Variants in ANK2 observed in about 807,000 individuals in gnomAD.
ANK2 encodes ankyrin 2, also known as ankyrin-2.
A neutral mutation model predicts 360.5 loss-of-function variants in ANK2; 83 were observed. The ratio of observed to expected loss-of-function variants is 0.23; its 90% confidence interval spans 0.19 to 0.28. The LOEUF is 0.28. ANK2 is among the 10% of genes least tolerant of loss of function. The probability of loss-of-function intolerance (pLI) is 1.00; values close to 1 mark genes in which losing one functional copy is unlikely to be tolerated. For missense variants in ANK2, 4,201 were observed against 4,795.7 expected (o/e 0.88, Z 3.66); for synonymous variants, 1,740 against 1,759.5 (o/e 0.99, Z 0.28).
At chr4:113,079,437 T>A (rs1432173571) in intron 1 of ANK2, among the ~76,000 whole-genome samples, 3 of 152,228 alleles carry the variant, frequency 2.0e-5, no homozygotes, top group Admixed American at 2.0e-4. Context: ...TGTGAATTGT[T>A]CCTTAAACTT....
At chr4:113,292,852 G>C in intron 21 of ANK2, 1 of 394,076 alleles carries the variant, frequency 2.5e-6, no homozygotes, top group South Asian at 2.2e-5. Context: ...GCACAGTAAG[G>C]GAGCTGCTAG....
intron 1 of ANK2, among the ~76,000 whole-genome samples, chr4:113,113,525 T>C (rs1469963361): frequency 1.3e-5 from 2 of 152,338 alleles, no homozygotes; most frequent in South Asian, 4.1e-4. Flanking sequence ...GGACAGTCTA[T>C]GCTGGCTCTC....
chr4:113,157,429 T>C lies in ANK2; in HGVS notation c.85-16987T>C, dbSNP rs193242907. ...AATTTTTTTCTTTGCATGTTAATCA[T>C]GATAATTTTGATAGAGATATTGCTC... On this transcript the variant is annotated intron_variant, in intron 1 of 45. Coordinates refer to ENST00000357077, the MANE Select transcript of ANK2 (RefSeq NM_001148.6). Among the ~76,000 whole-genome samples, 17 of 152,348 alleles carry C rather than the reference T, an allele frequency of 1.1e-4. No individual in the cohort carries two copies. The East Asian group carries it at 3.3e-3, about 29-fold the overall frequency.
chr4:112,881,991 G>A, intron 1 of ANK2: 1 of 564,916 alleles, frequency 1.8e-6, no homozygotes, highest in African/African-American at 1.9e-5. Context: ...AGCCCCCGGA[G>A]TGCTTGGTGC....
At chr4:112,833,882 T>C (rs1401606295) in intron 1 of ANK2, among the ~76,000 whole-genome samples, 2 of 152,246 alleles carry the variant, frequency 1.3e-5, no homozygotes, top group East Asian at 3.8e-4. Flanking sequence ...TCTTTCTTTA[T>C]CCCTGGTGCT....
intron 2 of ANK2, among the ~76,000 whole-genome samples, chr4:112,985,374 C>T (rs531793118): frequency 1.3e-5 from 2 of 152,294 alleles, no homozygotes; most frequent in African/African-American, 4.8e-5. Flanking sequence ...ATTTGCTTCC[C>T]CACTTCGCTC....
chr4:113,010,902 A>C (rs1210439935), intron 2 of ANK2, among the ~76,000 whole-genome samples: 4 of 151,726 alleles, frequency 2.6e-5, no homozygotes, highest in African/African-American at 9.7e-5. Context: ...TAACATTTTC[A>C]GCAGTGTCTG....
At position 113,306,031 on chromosome 4, in the gene ANK2, A is replaced by G. The variant is rs3025706; in HGVS notation, c.2548+3192A>G. 2.2e-4 allele frequency among the ~76,000 whole-genome samples: 33 copies of G among 152,314 alleles called. No homozygotes were observed. The East Asian group carries it at 5.4e-3, about 25-fold the overall frequency. On this transcript the variant is annotated intron_variant, in intron 23 of 45. Coordinates refer to ENST00000357077, the MANE Select transcript of ANK2 (RefSeq NM_001148.6). The stretch of plus-strand genomic sequence containing the variant: ...TGTATACACATTAAAGTAATCCATA[A>G]TATCCACTCATGAATCCAATTAACA...
Position 113,021,747 on chromosome 4 carries a change from G to A in ANK2, c.21+117233G>A, listed in dbSNP as rs9991829. On this transcript the variant is annotated intron_variant, in intron 2 of 30. Transcript: ENST00000503271. ...TCTATGTGTTTGTTAGTTAATTCGT[G>A]TTACATATAAATATGCATTAAGTAA... 9.3e-3 allele frequency among the ~76,000 whole-genome samples: 1,413 copies of A among 151,740 alleles called. 24 individuals carry two copies. The highest frequency in any genetic ancestry group is 0.032 in the African/African-American group (1,338 of 41,362).
At chr4:113,147,818 T>C (rs1180654579) in intron 1 of ANK2, among the ~76,000 whole-genome samples, 1 of 152,208 alleles carries the variant, frequency 6.6e-6, no homozygotes, top group Non-Finnish European at 1.5e-5. Context: ...CTTATCACAA[T>C]TGGCTTGGCA....
At chr4:112,815,971 A>G (rs1466036895), upstream of ANK2, among the ~76,000 whole-genome samples, 2 of 152,216 alleles carry the variant, frequency 1.3e-5, no homozygotes, top group Non-Finnish European at 2.9e-5. Context: ...GTGAGCTATT[A>G]TAACAAATTA....
At chr4:112,715,871 C>T in the ANK2 span, among the ~76,000 whole-genome samples, 2 of 151,978 alleles carry the variant, frequency 1.3e-5, no homozygotes, top group African/African-American at 4.8e-5. Context: ...TTTAGTGAGC[C>T]GAGATTGCGC....
intron 2 of ANK2, among the ~76,000 whole-genome samples, chr4:112,996,460 T>G (rs1444615272): frequency 6.6e-6 from 1 of 152,206 alleles, no homozygotes; most frequent in Non-Finnish European, 1.5e-5. Context: ...TATTTACTCG[T>G]TTTGCACATA....
chr4:113,363,206 A>G lies in ANK2; in HGVS notation c.10757-132A>G, dbSNP rs538254286. On this transcript the variant is annotated intron_variant, in intron 39 of 45. Coordinates refer to ENST00000357077, the MANE Select transcript of ANK2 (RefSeq NM_001148.6). ...CAAAGGCATATAAGAGTCACTTCTA[A>G]TATGTAGAAATTAAGGAACTCAAAT... The G allele has an allele frequency of 2.3e-4, 202 of 875,408 alleles. 1 individual carries two copies. The highest frequency in any genetic ancestry group is 3.4e-4 in the Non-Finnish European group (193 of 561,604). 54.2% of individuals were successfully genotyped at this position (875,408 alleles called of 1,614,324 possible).
chr4:113,339,915 G>T (rs939129238), intron 32 of ANK2, among the ~76,000 whole-genome samples: 1 of 152,198 alleles, frequency 6.6e-6, no homozygotes, highest in Non-Finnish European at 1.5e-5. Flanking sequence ...TGTGACTTAA[G>T]TAGGGCAAGA....
chr4:112,763,454 G>C, the ANK2 span, among the ~76,000 whole-genome samples: 4 of 151,370 alleles, frequency 2.6e-5, no homozygotes, highest in African/African-American at 9.7e-5. Flanking sequence ...GGATGGTCTC[G>C]ATCTCCTGAC....
chr4:112,812,514 A>G, the ANK2 span, among the ~76,000 whole-genome samples: 1 of 152,192 alleles, frequency 6.6e-6, no homozygotes, highest in Non-Finnish European at 1.5e-5. Flanking sequence ...AGGAGACCTA[A>G]TTATTCCATT....
chr4:113,049,665 G>A lies in ANK2; in HGVS notation c.-64G>A. The A allele has an allele frequency of 1.9e-5, 26 of 1,400,954 alleles. No individual in the cohort carries two copies. Among genetic ancestry groups the A allele is most frequent in the Non-Finnish European group, 2.4e-5 (25 of 1,047,270 alleles). The allele number at this position is 1,400,954 out of a possible 1,614,324, so 86.8% of individuals were successfully genotyped here. ...GCTTTCCTCCAGTAAGTGCATACCCGCTAGTGGTCTGTACAGGCGGCACGG... is the reference window on the plus strand; with the variant it reads ...GCTTTCCTCCAGTAAGTGCATACCCACTAGTGGTCTGTACAGGCGGCACGG... On this transcript the variant is annotated 5_prime_UTR_variant, in exon 1 of 46. Transcript: ENST00000357077.
chr4:113,147,376 G>T (rs1215053911), intron 1 of ANK2, among the ~76,000 whole-genome samples: 2 of 152,154 alleles, frequency 1.3e-5, no homozygotes, highest in Admixed American at 1.3e-4. Context: ...GGGACAAAAA[G>T]TATCATTACT....
Sources: allele counts gnomAD v4.1 joint callset (sites outside exome capture counted in the v4.1 genomes callset), GRCh38; gene constraint gnomAD v4.1.1; transcripts MANE v1.5; gene names NCBI Gene and HGNC (gene_info 2026-07-23, HGNC 2026-07-21).